The following DST variants were observed in gnomAD, a reference collection of about 807,000 sequenced individuals.
The protein encoded by DST is bullous pemphigoid antigen.
DST carries 253 observed loss-of-function variants against 875.2 expected under a neutral mutation model. The observed-to-expected ratio is 0.29, with a 90% CI of 0.26 to 0.32. The LOEUF is 0.32. Among genes scored for constraint, DST ranks in the 10% least tolerant of loss-of-function variants. DST has a pLI of 1.00. For synonymous variants in DST, 3,124 were observed against 3,197.1 expected (o/e 0.98, Z 0.77); for missense variants, 8,287 against 9,111.6 (o/e 0.91, Z 3.68).
At chr6:56,751,403 T>C (rs573786679) in intron 4 of DST, among the ~76,000 whole-genome samples, 1 of 152,366 alleles carries the variant, frequency 6.6e-6, no homozygotes, top group Admixed American at 6.5e-5. Flanking sequence ...GTAATTTTTA[T>C]TTTCATCTTT....
intron 12 of DST, among the ~76,000 whole-genome samples, chr6:56,650,157 G>A (rs564625045): frequency 6.6e-6 from 1 of 152,088 alleles, no homozygotes; most frequent in South Asian, 2.1e-4. Context: ...ATCCAGGGGA[G>A]CTAATCAAAG....
intron 100 of DST, chr6:56,463,968 G>A: frequency 1.5e-6 from 1 of 684,496 alleles, no homozygotes; most frequent in Admixed American, 2.0e-5. Context: ...ATACAGGTGA[G>A]TTCGGGGAGG....
intron 4 of DST, among the ~76,000 whole-genome samples, chr6:56,776,821 T>G (rs2099680160): frequency 6.6e-6 from 1 of 152,208 alleles, no homozygotes; most frequent in Non-Finnish European, 1.5e-5. Flanking sequence ...CTAAATGACC[T>G]TTATCACATC....
chr6:56,664,784 T>TA (rs2099063857), intron 10 of DST, among the ~76,000 whole-genome samples: 1 of 152,096 alleles, frequency 6.6e-6, no homozygotes, highest in South Asian at 2.1e-4. Context: ...TATTATATTC[T>TA]AAAAAAAGTT....
intron 62 of DST, among the ~76,000 whole-genome samples, chr6:56,535,791 G>A (rs2096985028): frequency 6.6e-6 from 1 of 152,190 alleles, no homozygotes; most frequent in Non-Finnish European, 1.5e-5. Context: ...AAGCTCTGGA[G>A]TCTTTTTTCA....
At chr6:56,577,294 T>G (rs1383553259) in intron 50 of DST, among the ~76,000 whole-genome samples, 2 of 152,214 alleles carry the variant, frequency 1.3e-5, no homozygotes. Flanking sequence ...TAGTCTTTCT[T>G]TCTCCTTCAT....
chr6:56,537,736 T>C (rs2097038480), intron 61 of DST, among the ~76,000 whole-genome samples: 1 of 152,154 alleles, frequency 6.6e-6, no homozygotes, highest in African/African-American at 2.4e-5. Flanking sequence ...TCCCATCCAA[T>C]TTACAGTTCC....
rs924295125 is a variant in DST at position 56,642,286 on chromosome 6, A to C, written c.1872+124T>G. 26 of 899,802 alleles carry C rather than the reference A, an allele frequency of 2.9e-5. No homozygotes were observed. The African/African-American group carries it at 3.0e-4, about 10-fold the overall frequency. The allele number at this position is 899,802 out of a possible 1,614,324, so 55.7% of individuals were successfully genotyped here. ...GCAAACACCAATCATAATCTTTAAC[A>C]AACTTTAAGTTTCAGTGGAGAGTAT... is the stretch of plus-strand genomic sequence containing the variant. On this transcript the variant is annotated intron_variant, in intron 16 of 103. Transcript: ENST00000680361.
intron 49 of DST, among the ~76,000 whole-genome samples, 168 bp from the exon 50 acceptor site, chr6:56,579,105 T>C (rs2097918453): frequency 1.3e-5 from 2 of 152,246 alleles, no homozygotes; most frequent in South Asian, 4.1e-4. Context: ...TAAGGCCAGT[T>C]ATAAAGCAGC....
In DST at chr6:56,594,038, A is replaced by C. The variant is rs16888032; in HGVS notation, c.12351T>G (p.Thr4117=). 2.6e-3 allele frequency: 4,264 copies of C among 1,613,722 alleles called. 86 individuals are homozygous for C. The African/African-American group carries it at 0.043, about 16-fold the overall frequency. The change falls in exon 48 of 104, where the codon ACT becomes ACG. Residue 4117 remains threonine, a synonymous_variant. Coordinates refer to ENST00000680361, the MANE Select transcript of DST (RefSeq NM_001374736.1). ...NMKELKVHYE[T]ALAESEKKMK... ...TTTTCTTCTCTGACTCAGCCAGTGC[A>C]GTTTCATAATGCACTTTCAGTTCCT...
intron 54 of DST, 101 bp downstream of exon 54, chr6:56,569,755 T>C (rs1240829204): frequency 3.7e-6 from 4 of 1,080,462 alleles, no homozygotes; most frequent in African/African-American, 1.6e-5. Flanking sequence ...TATATGAGGA[T>C]AAAACTTAGA....
intron 9 of DST, among the ~76,000 whole-genome samples, chr6:56,675,215 T>C (rs555878325): frequency 2.8e-4 from 42 of 152,256 alleles, no homozygotes; most frequent in Admixed American, 2.2e-3. Context: ...TAAAGAAGAA[T>C]GATATTAGAC....
At position 56,690,569 on chromosome 6, in the gene DST, T is replaced by C. The variant is rs188512683; in HGVS notation, c.1047+9084A>G. Among the ~76,000 whole-genome samples, 6 of 152,266 alleles carry C rather than the reference T, an allele frequency of 3.9e-5. No individual in the cohort carries two copies. The East Asian group carries it at 1.2e-3, about 29-fold the overall frequency. ...GATAAGCTCAAAAAATTGTACACTA[T>C]TCTACTTAGAAGTTAACTCAAAAGT... On this transcript the variant is annotated intron_variant, in intron 9 of 103. Coordinates refer to ENST00000680361, the MANE Select transcript of DST (RefSeq NM_001374736.1).
At chr6:56,470,599 T>G (rs941974437) in intron 95 of DST, among the ~76,000 whole-genome samples, 7 of 152,102 alleles carry the variant, frequency 4.6e-5, no homozygotes, top group African/African-American at 1.7e-4. Flanking sequence ...GAATGACATC[T>G]AGTAACATCT....
chr6:56,587,807 A>T (rs1451382132), intron 49 of DST, among the ~76,000 whole-genome samples: 1 of 152,156 alleles, frequency 6.6e-6, no homozygotes, highest in Non-Finnish European at 1.5e-5. Context: ...TATCCAGCCA[A>T]ACTAAGCTTC....
At chr6:56,851,132 A>G in intron 4 of DST, 1 of 504,640 alleles carries the variant, frequency 2.0e-6, no homozygotes, top group East Asian at 3.0e-5. Flanking sequence ...TTTAGTGCAA[A>G]TGTCTGTAAA....
intron 3 of DST, among the ~76,000 whole-genome samples, chr6:56,853,341 G>A (rs922265868): frequency 6.6e-6 from 1 of 152,144 alleles, no homozygotes; most frequent in African/African-American, 2.4e-5. Flanking sequence ...GTCACAGCAT[G>A]CTATTATCAA....
chr6:56,871,094 C>A, intron 3 of DST: 1 of 537,784 alleles, frequency 1.9e-6, no homozygotes, highest in African/African-American at 1.9e-5. Flanking sequence ...GAAGAGAAAA[C>A]ATATATGGCT....
rs186845616 is a variant in DST, at chr6:56,718,927, C to A, written c.688-14558G>T. Among the ~76,000 whole-genome samples, 489 of 152,186 alleles carry A rather than the reference C, an allele frequency of 3.2e-3. 1 individual carries two copies. Among genetic ancestry groups the A allele is most frequent in the African/African-American group, 0.011 (462 of 41,520 alleles). ...AGGGGAGAAACAGGACAAATGGGTA[C>A]AAGGTTTCTTTTTGGGGTGAGGAAA... is the stretch of plus-strand genomic sequence containing the variant. On this transcript the variant is annotated intron_variant, in intron 5 of 103. Transcript: ENST00000680361.
Sources: allele counts gnomAD v4.1 joint callset (sites outside exome capture counted in the v4.1 genomes callset), GRCh38; gene constraint gnomAD v4.1.1; transcripts MANE v1.5; gene names NCBI Gene and HGNC (gene_info 2026-07-23, HGNC 2026-07-21).